The following PRKCA variants were observed in gnomAD, a reference collection of about 807,000 sequenced individuals.
The protein encoded by PRKCA is protein kinase C alpha.
PRKCA carries 27 observed loss-of-function variants against 87.0 expected under a neutral mutation model. The observed-to-expected ratio is 0.31, with a 90% CI of 0.23 to 0.43. PRKCA has a LOEUF of 0.43. PRKCA is among the 20% of genes least tolerant of loss of function. PRKCA has a pLI of 1.00. For synonymous variants in PRKCA, 329 were observed against 311.1 expected (o/e 1.06, Z -0.61); for missense variants, 518 against 852.3 (o/e 0.61, Z 4.88).
At chr17:66,341,547 C>G (rs763826780) in intron 2 of PRKCA, among the ~76,000 whole-genome samples, 4 of 152,272 alleles carry the variant, frequency 2.6e-5, no homozygotes, top group Non-Finnish European at 5.9e-5. Flanking sequence ...CATCTCACCT[C>G]GAAAGAAGTT....
chr17:66,490,621 G>A (rs577620182), intron 2 of PRKCA, among the ~76,000 whole-genome samples: 14 of 151,550 alleles, frequency 9.2e-5, no homozygotes, highest in Non-Finnish European at 1.5e-4. Context: ...TGTCACCCAG[G>A]CTGGACTGGA....
chr17:66,368,318 A>G (rs1302685121), intron 2 of PRKCA, among the ~76,000 whole-genome samples: 1 of 126,754 alleles, frequency 7.9e-6, no homozygotes, highest in East Asian at 2.5e-4. Flanking sequence ...GTGTGTGTTT[A>G]TCTATATGTG....
chr17:66,796,320 C>T lies in PRKCA; in HGVS notation c.1854+7341C>T, dbSNP rs1002629064. On this transcript the variant is annotated intron_variant, in intron 16 of 16. Transcript: ENST00000413366. ...GTCTTTCACGTAGCAATGTATCCGA[C>T]AGGTGTTTCCGCATCAGCTCACGTG... 3.1e-5 allele frequency: 14 copies of T among 446,608 alleles called. No individual in the cohort carries two copies. The Admixed American group carries it at 5.8e-4, about 18-fold the overall frequency. 27.7% of individuals were successfully genotyped at this position (446,608 alleles called of 1,614,324 possible). A position where few individuals can be genotyped will look rare whatever the true frequency, so the allele number is the denominator to read the frequency against.
intron 2 of PRKCA, among the ~76,000 whole-genome samples, chr17:66,328,284 C>T (rs367654557): frequency 4.6e-5 from 7 of 152,064 alleles, no homozygotes; most frequent in South Asian, 2.1e-4. Context: ...AACTCCTGGC[C>T]GGTCTTGAAC....
rs900072925 is a variant in PRKCA at position 66,808,150 on chromosome 17, T to C, written c.*4113T>C. 1.3e-5 allele frequency: 2 copies of C among 152,134 alleles called. No homozygotes were observed. Among genetic ancestry groups the C allele is most frequent in the Non-Finnish European group, 2.9e-5 (2 of 68,034 alleles). 9.4% of individuals were successfully genotyped at this position (152,134 alleles called of 1,614,324 possible). A position where few individuals can be genotyped will look rare whatever the true frequency, so the allele number is the denominator to read the frequency against. ...CCATCCAGTGTACCCCAGAGGCCAGTAGGTTCCTGCCCATTTTCCTCTCTG... is the reference window on the plus strand; with the variant it reads ...CCATCCAGTGTACCCCAGAGGCCAGCAGGTTCCTGCCCATTTTCCTCTCTG... On this transcript the variant is annotated 3_prime_UTR_variant, in exon 17 of 17. Coordinates refer to ENST00000413366, the MANE Select transcript of PRKCA (RefSeq NM_002737.3).
At chr17:66,404,420 A>G (rs1025107515) in intron 2 of PRKCA, among the ~76,000 whole-genome samples, 1 of 152,192 alleles carries the variant, frequency 6.6e-6, no homozygotes, top group Non-Finnish European at 1.5e-5. Flanking sequence ...ACATTGCAGC[A>G]TTACGCTGCC....
At chr17:66,713,095 A>G (rs1011969897) in intron 8 of PRKCA, among the ~76,000 whole-genome samples, 1 of 119,292 alleles carries the variant, frequency 8.4e-6, no homozygotes, top group Non-Finnish European at 1.6e-5. Context: ...TCTGTTGCCC[A>G]GGCTGGAGCG....
chr17:66,540,221 T>C (rs1395025590), intron 3 of PRKCA, among the ~76,000 whole-genome samples: 1 of 152,198 alleles, frequency 6.6e-6, no homozygotes, highest in Non-Finnish European at 1.5e-5. Flanking sequence ...ATAAATACTC[T>C]GATTCATCAT....
chr17:66,307,324 G>A (rs994200901), intron 2 of PRKCA, among the ~76,000 whole-genome samples: 6 of 152,146 alleles, frequency 3.9e-5, no homozygotes, highest in African/African-American at 1.4e-4. Context: ...AAAGATGAAA[G>A]GAAAATGTAG....
chr17:66,476,033 G>C (rs949796500), intron 2 of PRKCA, among the ~76,000 whole-genome samples: 2 of 152,112 alleles, frequency 1.3e-5, no homozygotes, highest in African/African-American at 4.8e-5. Context: ...AAGTAGTTGG[G>C]ATTACACGTG....
intron 2 of PRKCA, among the ~76,000 whole-genome samples, chr17:66,402,295 C>A (rs2143692288): frequency 6.6e-6 from 1 of 151,672 alleles, no homozygotes; most frequent in Middle Eastern, 3.4e-3. Context: ...GTTTTAGGAG[C>A]TTGGTGGTTG....
intron 14 of PRKCA, among the ~76,000 whole-genome samples, chr17:66,776,105 A>G (rs189560293): frequency 6.6e-6 from 1 of 152,332 alleles, no homozygotes; most frequent in East Asian, 1.9e-4. Flanking sequence ...AAGAAATGGA[A>G]GCTCCCAGCA....
At chr17:66,741,828 C>A in intron 12 of PRKCA, 107 bp downstream of exon 12, 1 of 1,164,712 alleles carries the variant, frequency 8.6e-7, no homozygotes, top group South Asian at 1.5e-5. Flanking sequence ...TGATAACTCC[C>A]CAGGAGGAAC....
intron 2 of PRKCA, among the ~76,000 whole-genome samples, chr17:66,462,409 G>A (rs1914893978): frequency 6.6e-6 from 1 of 152,156 alleles, no homozygotes; most frequent in Non-Finnish European, 1.5e-5. Flanking sequence ...AATAGCTAAA[G>A]TTTGCCTTAA....
chr17:66,418,020 CT>C (rs1912258235), intron 2 of PRKCA, among the ~76,000 whole-genome samples: 1 of 152,184 alleles, frequency 6.6e-6, no homozygotes, highest in Non-Finnish European at 1.5e-5. Context: ...GCGTGGACCT[CT>C]TCATGGGCAG....
chr17:66,652,362 T>G (rs959496409), intron 5 of PRKCA, among the ~76,000 whole-genome samples: 2 of 152,072 alleles, frequency 1.3e-5, no homozygotes, highest in Admixed American at 6.5e-5. Context: ...GTAAAGAACA[T>G]TTTGGGGACA....
chr17:66,484,914 C>T (rs1249347278), intron 2 of PRKCA, among the ~76,000 whole-genome samples: 2 of 149,044 alleles, frequency 1.3e-5, no homozygotes, highest in South Asian at 2.1e-4. Context: ...GGTAAAACTA[C>T]TTAATGATAA....
At chr17:66,492,603 G>A (rs550840490) in intron 2 of PRKCA, among the ~76,000 whole-genome samples, 32 of 152,316 alleles carry the variant, frequency 2.1e-4, no homozygotes, top group East Asian at 1.9e-4. Flanking sequence ...GTAATAAACC[G>A]TGATGAGGAA....
At chr17:66,483,478 T>TTTATTTTATTTTATG (rs1915868662) in intron 2 of PRKCA, among the ~76,000 whole-genome samples, 1 of 151,962 alleles carries the variant, frequency 6.6e-6, no homozygotes, top group African/African-American at 2.4e-5. Context: ...TTTATTTTAT[T>TTTATTTTATTTTATG]TTTTCGAGAC....
Sources: gnomAD v4.1 joint callset for allele counts (sites outside exome capture counted in the v4.1 genomes callset) on GRCh38, gnomAD v4.1.1 for gene constraint, MANE v1.5 for transcripts, NCBI Gene and HGNC (gene_info 2026-07-23, HGNC 2026-07-21) for gene names.